The following SH3PXD2A variants were observed in gnomAD, a reference collection of about 807,000 sequenced individuals.
The protein encoded by SH3PXD2A is SH3 and PX domain-containing protein 2A.
A neutral mutation model predicts 115.2 loss-of-function variants in SH3PXD2A; 32 were observed. The ratio of observed to expected loss-of-function variants is 0.28; its 90% confidence interval spans 0.21 to 0.37. SH3PXD2A has a LOEUF of 0.37. SH3PXD2A is among the 10% of genes least tolerant of loss of function. The pLI is 1.00. For synonymous variants in SH3PXD2A, 610 were observed against 629.1 expected (o/e 0.97, Z 0.45); for missense variants, 1,328 against 1,498.7 (o/e 0.89, Z 1.88).
At chr10:103,696,261 T>C (rs2037823133) in intron 5 of SH3PXD2A, among the ~76,000 whole-genome samples, 1 of 152,198 alleles carries the variant, frequency 6.6e-6, no homozygotes, top group Non-Finnish European at 1.5e-5. Flanking sequence ...AAGTTTCCAG[T>C]TGGGCATCCT....
intron 8 of SH3PXD2A, among the ~76,000 whole-genome samples, chr10:103,635,402 C>T (rs1346973239): frequency 6.6e-6 from 1 of 152,214 alleles, no homozygotes; most frequent in Non-Finnish European, 1.5e-5. Context: ...TTCAGCCCAG[C>T]CTGGCAGTCA....
chr10:103,722,472 T>A (rs1172606952), intron 5 of SH3PXD2A, among the ~76,000 whole-genome samples: 1 of 152,144 alleles, frequency 6.6e-6, no homozygotes, highest in African/African-American at 2.4e-5. Flanking sequence ...CATTTTAAAT[T>A]TTAATTTTTT....
intron 8 of SH3PXD2A, among the ~76,000 whole-genome samples, chr10:103,630,919 C>T (rs12359556): frequency 0.17 from 25,711 of 152,096 alleles, 2,518 homozygotes; most frequent in Non-Finnish European, 0.22. Flanking sequence ...TACGGTAATC[C>T]CCCTTATCCA....
intron 2 of SH3PXD2A, among the ~76,000 whole-genome samples, chr10:103,769,696 T>C (rs1644648087): frequency 6.6e-6 from 1 of 152,080 alleles, no homozygotes; most frequent in South Asian, 2.1e-4. Context: ...GCTCCCAAAG[T>C]GCTGGGATTA....
At chr10:103,624,806 G>A (rs2070927220) in intron 9 of SH3PXD2A, among the ~76,000 whole-genome samples, 1 of 152,168 alleles carries the variant, frequency 6.6e-6, no homozygotes, top group Non-Finnish European at 1.5e-5. Flanking sequence ...CAGGTGCAGA[G>A]AGACTAGCGG....
chr10:103,651,276 G>A (rs2037117593), intron 8 of SH3PXD2A, among the ~76,000 whole-genome samples: 1 of 152,200 alleles, frequency 6.6e-6, no homozygotes, highest in Non-Finnish European at 1.5e-5. Flanking sequence ...ACACAGACCA[G>A]CCCCTCCCCA....
intron 1 of SH3PXD2A, among the ~76,000 whole-genome samples, chr10:103,810,269 C>G (rs942601235): frequency 6.6e-6 from 1 of 152,202 alleles, no homozygotes; most frequent in African/African-American, 2.4e-5. Flanking sequence ...AAGCAACCAA[C>G]AAATATCCAG....
chr10:103,795,643 T>C (rs2039077989), intron 2 of SH3PXD2A, among the ~76,000 whole-genome samples: 1 of 152,248 alleles, frequency 6.6e-6, no homozygotes, highest in Non-Finnish European at 1.5e-5. Context: ...AAGGTTTCCC[T>C]ATAATATGTC....
intron 6 of SH3PXD2A, among the ~76,000 whole-genome samples, chr10:103,692,660 G>A (rs1437636441): frequency 6.6e-6 from 1 of 152,200 alleles, no homozygotes; most frequent in Non-Finnish European, 1.5e-5. Context: ...TTAGCACTGC[G>A]CAGCAGCGGC....
At chr10:103,785,543 G>C (rs2038972483) in intron 2 of SH3PXD2A, among the ~76,000 whole-genome samples, 1 of 152,192 alleles carries the variant, frequency 6.6e-6, no homozygotes, top group Admixed American at 6.5e-5. Flanking sequence ...AGCAGTCACT[G>C]CTCTTCTGGG....
At chr10:103,651,477 A>C (rs1023704715) in intron 8 of SH3PXD2A, among the ~76,000 whole-genome samples, 2 of 152,186 alleles carry the variant, frequency 1.3e-5, no homozygotes, top group African/African-American at 4.8e-5. Context: ...GTGGTGAAGC[A>C]CTCTGGAGTT....
At chr10:103,641,118 A>G (rs751375883) in intron 8 of SH3PXD2A, among the ~76,000 whole-genome samples, 15 of 152,260 alleles carry the variant, frequency 9.9e-5, no homozygotes, top group Non-Finnish European at 1.0e-4. Context: ...ACAGATGGTA[A>G]TGACAGCTCA....
At chr10:103,733,216 C>T (rs749634849) in intron 4 of SH3PXD2A, among the ~76,000 whole-genome samples, 1 of 152,182 alleles carries the variant, frequency 6.6e-6, no homozygotes, top group Non-Finnish European at 1.5e-5. Context: ...ACTTCAATGG[C>T]TCCCCCAGCT....
chr10:103,741,053 GATA>G (rs2038438907), intron 3 of SH3PXD2A, among the ~76,000 whole-genome samples: 1 of 152,194 alleles, frequency 6.6e-6, no homozygotes, highest in African/African-American at 2.4e-5. Context: ...TCTCTACAAA[GATA>G]ATAACACAGG....
At chr10:103,637,855 T>C (rs1219641419) in intron 8 of SH3PXD2A, among the ~76,000 whole-genome samples, 2 of 152,162 alleles carry the variant, frequency 1.3e-5, no homozygotes, top group Admixed American at 6.5e-5. Flanking sequence ...AGTGCTGCTG[T>C]CCTGGACCCA....
intron 7 of SH3PXD2A, 138 bp from the exon 8 acceptor site, chr10:103,661,252 C>T (rs2037296425): frequency 9.6e-7 from 1 of 1,042,190 alleles, no homozygotes; most frequent in Non-Finnish European, 1.3e-6. Context: ...GCAGCCGGGG[C>T]TCGCAGCTCA....
chr10:103,611,172 ACT>A (rs527338929), intron 13 of SH3PXD2A, among the ~76,000 whole-genome samples: 5 of 151,998 alleles, frequency 3.3e-5, no homozygotes, highest in Non-Finnish European at 7.4e-5. Flanking sequence ...GCCCTCCCAG[ACT>A]CTGCCATCCA....
At chr10:103,752,750 C>T (rs2038592993) in intron 3 of SH3PXD2A, among the ~76,000 whole-genome samples, 1 of 152,188 alleles carries the variant, frequency 6.6e-6, no homozygotes, top group Admixed American at 6.5e-5. Flanking sequence ...GTTTTCAGTA[C>T]TCTGTTGAAT....
intron 8 of SH3PXD2A, among the ~76,000 whole-genome samples, chr10:103,634,555 A>T (rs1351959841): frequency 6.6e-6 from 1 of 152,202 alleles, no homozygotes; most frequent in East Asian, 1.9e-4. Flanking sequence ...CGGATAAGGT[A>T]CAGGTCTGTT....
Sources: allele counts gnomAD v4.1 joint callset (sites outside exome capture counted in the v4.1 genomes callset), GRCh38; gene constraint gnomAD v4.1.1; transcripts MANE v1.5; gene names NCBI Gene and HGNC (gene_info 2026-07-23, HGNC 2026-07-21).